The following SYNE2 variants were observed in gnomAD, a reference collection of about 807,000 sequenced individuals.
SYNE2 encodes nesprin-2.
A neutral mutation model predicts 856.3 loss-of-function variants in SYNE2; 431 were observed. The ratio of observed to expected loss-of-function variants is 0.50; its 90% CI spans 0.47 to 0.55. SYNE2 has a LOEUF of 0.55. Among genes scored for constraint, SYNE2 ranks in the 20% least tolerant of loss-of-function variants. The probability of loss-of-function intolerance (pLI) is 0.00; values close to 1 mark genes in which losing one functional copy is unlikely to be tolerated. For missense variants in SYNE2, 8,129 were observed against 8,023.2 expected (o/e 1.01, Z -0.50); for synonymous variants, 2,923 against 2,872.3 (o/e 1.02, Z -0.56).
At chr14:63,878,781 G>A (rs1382823514) in intron 1 of SYNE2, among the ~76,000 whole-genome samples, 2 of 152,162 alleles carry the variant, frequency 1.3e-5, no homozygotes, top group African/African-American at 4.8e-5. Flanking sequence ...CTGATCTCAG[G>A]TGATCCACCC....
At chr14:64,097,235 A>G (rs932092111) in intron 61 of SYNE2, among the ~76,000 whole-genome samples, 1 of 152,212 alleles carries the variant, frequency 6.6e-6, no homozygotes, top group African/African-American at 2.4e-5. Flanking sequence ...TTCCCATAAT[A>G]AGATATACTA....
At chr14:64,092,959 C>CG (rs1555477635) in intron 60 of SYNE2, among the ~76,000 whole-genome samples, 1 of 151,382 alleles carries the variant, frequency 6.6e-6, no homozygotes, top group African/African-American at 2.4e-5. Flanking sequence ...AAAGCCCCCC[C>CG]GCTCCCCCGG....
chr14:63,840,650 A>T (rs986290657), intron 1 of SYNE2, among the ~76,000 whole-genome samples: 1 of 152,040 alleles, frequency 6.6e-6, no homozygotes, highest in African/African-American at 2.4e-5. Flanking sequence ...GTCTCTGCCA[A>T]AGGCATTCTG....
intron 1 of SYNE2, among the ~76,000 whole-genome samples, chr14:63,872,452 A>G (rs1239469594): frequency 2.0e-5 from 3 of 151,026 alleles, no homozygotes; most frequent in Non-Finnish European, 2.9e-5. Flanking sequence ...AAAGACAAGA[A>G]AAATCCAACA....
At chr14:63,965,901 T>G (rs1247004344) in intron 10 of SYNE2, among the ~76,000 whole-genome samples, 1 of 152,256 alleles carries the variant, frequency 6.6e-6, no homozygotes, top group Non-Finnish European at 1.5e-5. Flanking sequence ...TGAAAGTGTA[T>G]TGTTCTCACA....
At chr14:64,145,603 T>C (rs2098177573) in intron 83 of SYNE2, among the ~76,000 whole-genome samples, 1 of 151,994 alleles carries the variant, frequency 6.6e-6, no homozygotes, top group South Asian at 2.1e-4. Flanking sequence ...TATGACCTAA[T>C]AAAAAATTTA....
chr14:64,212,668 TA>T, intron 104 of SYNE2, 142 bp from the exon 105 acceptor site: 1 of 785,578 alleles, frequency 1.3e-6, no homozygotes, highest in Admixed American at 2.1e-5. Flanking sequence ...GTCACTTAGT[TA>T]AAAACTAAAG....
chr14:63,915,594 A>T (rs1029383971), intron 2 of SYNE2, among the ~76,000 whole-genome samples: 1 of 152,218 alleles, frequency 6.6e-6, no homozygotes, highest in African/African-American at 2.4e-5. Context: ...TCCTACCAAG[A>T]TGCTGATGAA....
At chr14:64,105,522 A>G (rs1196510223) in intron 64 of SYNE2, among the ~76,000 whole-genome samples, 1 of 152,220 alleles carries the variant, frequency 6.6e-6, no homozygotes, top group East Asian at 1.9e-4. Flanking sequence ...CCCATTTTAA[A>G]GGTGAAGTAA....
intron 10 of SYNE2, among the ~76,000 whole-genome samples, chr14:63,966,103 T>C (rs764612196): frequency 1.1e-4 from 17 of 152,152 alleles, no homozygotes; most frequent in Admixed American, 1.1e-3. Flanking sequence ...TGCTGATCCT[T>C]GGAGTAGTTT....
chr14:63,833,915 T>C (rs552920514), intron 1 of SYNE2, among the ~76,000 whole-genome samples: 1 of 152,128 alleles, frequency 6.6e-6, no homozygotes, highest in African/African-American at 2.4e-5. Context: ...AAAATAATCA[T>C]GTGTCCCCCC....
chr14:63,894,742 T>A (rs1821763087), intron 1 of SYNE2, among the ~76,000 whole-genome samples: 2 of 152,240 alleles, frequency 1.3e-5, no homozygotes, highest in Admixed American at 1.3e-4. Context: ...ATTTTTATTA[T>A]GAATAATAAT....
chr14:64,185,477 T>A (rs764414680), intron 96 of SYNE2, among the ~76,000 whole-genome samples: 1 of 151,778 alleles, frequency 6.6e-6, no homozygotes, highest in Non-Finnish European at 1.5e-5. Flanking sequence ...AGGTTTCAAT[T>A]TGACAGATGC....
intron 8 of SYNE2, among the ~76,000 whole-genome samples, 167 bp from the exon 9 acceptor site, chr14:63,961,358 A>T (rs1277282531): frequency 6.6e-6 from 1 of 152,254 alleles, no homozygotes; most frequent in East Asian, 1.9e-4. Flanking sequence ...GCCACTGCAC[A>T]GTCTTGCAGC....
intron 76 of SYNE2, 121 bp from the exon 77 acceptor site, chr14:64,132,144 C>A: frequency 8.4e-7 from 1 of 1,195,202 alleles, no homozygotes. Flanking sequence ...TTTGACTCTA[C>A]ACGGATGTCC....
intron 1 of SYNE2, among the ~76,000 whole-genome samples, chr14:63,765,412 G>A (rs1886635203): frequency 6.6e-6 from 1 of 152,150 alleles, no homozygotes; most frequent in Admixed American, 6.5e-5. Context: ...GAGTGCAGTG[G>A]TGCGATCTCG....
chr14:63,943,243 A>G (rs963801329), intron 6 of SYNE2, among the ~76,000 whole-genome samples: 4 of 152,220 alleles, frequency 2.6e-5, no homozygotes, highest in African/African-American at 9.6e-5. Context: ...CACTTACTGT[A>G]TGCTAGCTCT....
chr14:63,881,647 A>G (rs896079049), intron 1 of SYNE2, among the ~76,000 whole-genome samples: 5 of 150,022 alleles, frequency 3.3e-5, no homozygotes, highest in African/African-American at 9.7e-5. Flanking sequence ...AAAGAATTAG[A>G]AAAAAAACCC....
chr14:63,948,209 A>C (rs1038361413), intron 6 of SYNE2, among the ~76,000 whole-genome samples: 3 of 150,718 alleles, frequency 2.0e-5, no homozygotes, highest in South Asian at 4.2e-4. Context: ...TCCTGCTGGA[A>C]TTTTTATTAG....
Sources: gnomAD v4.1 joint callset for allele counts (sites outside exome capture counted in the v4.1 genomes callset) on GRCh38, gnomAD v4.1.1 for gene constraint, MANE v1.5 for transcripts, NCBI Gene and HGNC (gene_info 2026-07-23, HGNC 2026-07-21) for gene names.